Variants in STXBP5L observed in about 807,000 individuals in gnomAD.
The protein encoded by STXBP5L is syntaxin-binding protein 5-like.
STXBP5L carries 65 observed loss-of-function variants against 144.5 expected under a neutral mutation model. The ratio of observed to expected loss-of-function variants is 0.45; its 90% confidence interval spans 0.37 to 0.55. STXBP5L has a LOEUF of 0.55. STXBP5L is among the 20% of genes least tolerant of loss of function. The pLI is 0.00. For synonymous variants in STXBP5L, 505 were observed against 469.6 expected (o/e 1.08, Z -0.97); for missense variants, 1,298 against 1,405.5 (o/e 0.92, Z 1.22).
At chr3:121,067,266 AT>A (rs748170590) in intron 5 of STXBP5L, among the ~76,000 whole-genome samples, 8 of 152,002 alleles carry the variant, frequency 5.3e-5, no homozygotes, top group Non-Finnish European at 1.0e-4. Context: ...CTTCTTTAAT[AT>A]GTGACTTTAG....
chr3:121,390,748 G>A (rs891792105), intron 22 of STXBP5L, among the ~76,000 whole-genome samples: 1 of 152,160 alleles, frequency 6.6e-6, no homozygotes, highest in African/African-American at 2.4e-5. Context: ...TCTGCCAAGA[G>A]ATCTGCTGTT....
At chr3:121,159,653 G>T (rs1299868626) in intron 9 of STXBP5L, among the ~76,000 whole-genome samples, 1 of 134,938 alleles carries the variant, frequency 7.4e-6, no homozygotes. Flanking sequence ...TTTTTGAGAC[G>T]GAGTCTCGCT....
At chr3:120,918,305 A>T (rs888297877) in intron 2 of STXBP5L, among the ~76,000 whole-genome samples, 1 of 152,164 alleles carries the variant, frequency 6.6e-6, no homozygotes, top group East Asian at 1.9e-4. Context: ...CCTCTGCCAT[A>T]TAAGCTAACA....
chr3:120,990,855 T>C (rs1158414365), intron 3 of STXBP5L, among the ~76,000 whole-genome samples: 1 of 152,164 alleles, frequency 6.6e-6, no homozygotes, highest in Non-Finnish European at 1.5e-5. Context: ...ACTTAAATGT[T>C]AGACCTAAAA....
At chr3:121,067,331 C>G (rs1447343897) in intron 5 of STXBP5L, among the ~76,000 whole-genome samples, 1 of 151,918 alleles carries the variant, frequency 6.6e-6, no homozygotes, top group Non-Finnish European at 1.5e-5. Flanking sequence ...GATTTTATGT[C>G]TAATATTTAT....
intron 19 of STXBP5L, chr3:121,282,409 C>T (rs2051091480): frequency 7.0e-7 from 1 of 1,432,414 alleles, no homozygotes; most frequent in Admixed American, 1.8e-5. Context: ...TACATCAGTG[C>T]TCAGTAATGT....
intron 8 of STXBP5L, among the ~76,000 whole-genome samples, chr3:121,153,147 C>G (rs2045988540): frequency 6.6e-6 from 1 of 151,976 alleles, no homozygotes; most frequent in Non-Finnish European, 1.5e-5. Flanking sequence ...GTAATTGAGA[C>G]TTGATTAAGT....
At chr3:121,170,551 A>G (rs2046670332) in intron 9 of STXBP5L, among the ~76,000 whole-genome samples, 1 of 152,250 alleles carries the variant, frequency 6.6e-6, no homozygotes, top group South Asian at 2.1e-4. Context: ...CCAGCAGAGA[A>G]TACTATAAAC....
chr3:120,931,065 A>G (rs1359357881), intron 2 of STXBP5L, among the ~76,000 whole-genome samples: 1 of 151,520 alleles, frequency 6.6e-6, no homozygotes, highest in Non-Finnish European at 1.5e-5. Flanking sequence ...CAAAGACTGC[A>G]TACCTGTAGT....
chr3:121,394,311 G>C (rs985552866), intron 22 of STXBP5L, among the ~76,000 whole-genome samples: 5 of 151,954 alleles, frequency 3.3e-5, no homozygotes, highest in Non-Finnish European at 7.4e-5. Context: ...AAATCTAGGA[G>C]TCTTTTGAAG....
intron 9 of STXBP5L, among the ~76,000 whole-genome samples, chr3:121,162,851 G>T (rs1319249716): frequency 1.3e-5 from 2 of 152,170 alleles, no homozygotes; most frequent in Non-Finnish European, 2.9e-5. Flanking sequence ...TTAGAGAAAT[G>T]CAAATCAAAA....
At chr3:121,054,156 G>T (rs1477721472) in intron 5 of STXBP5L, among the ~76,000 whole-genome samples, 3 of 152,180 alleles carry the variant, frequency 2.0e-5, no homozygotes, top group Non-Finnish European at 4.4e-5. Flanking sequence ...CTGTAATCTA[G>T]TTCAACCATT....
At chr3:120,965,730 T>C (rs1166149662) in intron 3 of STXBP5L, among the ~76,000 whole-genome samples, 1 of 152,184 alleles carries the variant, frequency 6.6e-6, no homozygotes. Context: ...ATTTCAACCT[T>C]GTTGAATCTG....
rs189523063 is a variant in STXBP5L, at chr3:121,110,120, C to T, written c.471-4805C>T. On this transcript the variant is annotated intron_variant, in intron 5 of 26. Coordinates refer to ENST00000471454, the MANE Select transcript of STXBP5L (RefSeq NM_001308330.2). ...GTGTGTCCCTGCATGTGAGAAGGGT[C>T]GCTTGAATATAGCACACCAATGGGT... is the stretch of plus-strand genomic sequence containing the variant. 2.2e-3 allele frequency among the ~76,000 whole-genome samples: 338 copies of T among 152,222 alleles called. 1 individual carries two copies. Among genetic ancestry groups the T allele is most frequent in the Non-Finnish European group, 3.9e-3 (268 of 68,012 alleles).
At chr3:121,163,118 A>T (rs1273273812) in intron 9 of STXBP5L, among the ~76,000 whole-genome samples, 1 of 152,222 alleles carries the variant, frequency 6.6e-6, no homozygotes, top group African/African-American at 2.4e-5. Context: ...AGACACATGC[A>T]CATGTATGTT....
intron 9 of STXBP5L, among the ~76,000 whole-genome samples, chr3:121,183,787 G>T (rs757040464): frequency 6.6e-6 from 1 of 152,078 alleles, no homozygotes; most frequent in African/African-American, 2.4e-5. Context: ...TTCCAGCAGG[G>T]GTTGACAGAC....
At chr3:121,020,988 G>T (rs933829989) in intron 3 of STXBP5L, among the ~76,000 whole-genome samples, 1 of 151,968 alleles carries the variant, frequency 6.6e-6, no homozygotes, top group Admixed American at 6.6e-5. Flanking sequence ...AAATGGATAA[G>T]AATTTACCAA....
At chr3:120,939,248 G>A (rs1710431433) in intron 2 of STXBP5L, among the ~76,000 whole-genome samples, 1 of 152,158 alleles carries the variant, frequency 6.6e-6, no homozygotes, top group African/African-American at 2.4e-5. Flanking sequence ...CTGGGTGCAA[G>A]GATTGTATAC....
At chr3:121,018,642 CAG>C (rs1349786539) in intron 3 of STXBP5L, among the ~76,000 whole-genome samples, 1 of 151,048 alleles carries the variant, frequency 6.6e-6, no homozygotes, top group Admixed American at 6.6e-5. Context: ...TAGAAGATAA[CAG>C]AAGAAAACCT....
Sources: allele counts gnomAD v4.1 joint callset (sites outside exome capture counted in the v4.1 genomes callset), GRCh38; gene constraint gnomAD v4.1.1; transcripts MANE v1.5; gene names NCBI Gene and HGNC (gene_info 2026-07-23, HGNC 2026-07-21).